ANKRD30B: variants seen among roughly 807,000 people sequenced by gnomAD.
ANKRD30B encodes the protein ankyrin repeat domain 30B.
In ANKRD30B, 144 loss-of-function variants were observed where a neutral mutation model predicts 202.2. The ratio of observed to expected loss-of-function variants is 0.71; its 90% CI spans 0.62 to 0.82. The LOEUF (loss-of-function observed/expected upper bound fraction) is 0.82, where lower values mean the gene tolerates loss of function less well. ANKRD30B is among the 40% of genes least tolerant of loss of function. ANKRD30B has a pLI of 0.00. For missense variants in ANKRD30B, 1,487 were observed against 1,669.1 expected (o/e 0.89, Z 1.90); for synonymous variants, 508 against 561.3 (o/e 0.91, Z 1.34).
rs1432131805 is a variant in ANKRD30B, at chr18:14,852,325, C to T, written c.4381C>T (p.Arg1461Cys). The T allele has an allele frequency of 5.2e-6, 8 of 1,545,226 alleles. No homozygotes were observed. The highest frequency in any genetic ancestry group is 2.4e-5 in the South Asian group (2 of 83,394). The change falls in exon 42 of 44, where the codon CGT becomes TGT. Residue 1461 changes from arginine (R) to cysteine (C), a missense_variant. By Grantham distance (180) the Arg-to-Cys change is radical. Transcript: ENST00000690538. The stretch of plus-strand genomic sequence containing the variant: ...TCAGTTTCCTGAGATGAAAATGCAA[C>T]GTCATCTAAACGAGAAAAATGAGGA... ...NIQFPEMKMQ[R>C]HLNEKNEEVF...
At chr18:14,881,086 T>C in the ANKRD30B span, among the ~76,000 whole-genome samples, 5 of 152,294 alleles carry the variant, frequency 3.3e-5, no homozygotes, top group African/African-American at 1.2e-4. Context: ...TTTCCTTCTT[T>C]TGTCTGATTG....
At chr18:14,913,510 A>C in the ANKRD30B span, among the ~76,000 whole-genome samples, 1 of 152,222 alleles carries the variant, frequency 6.6e-6, no homozygotes. Context: ...TATATGAACA[A>C]TTCACACTCT....
At chr18:14,908,113 A>G in the ANKRD30B span, among the ~76,000 whole-genome samples, 3 of 152,218 alleles carry the variant, frequency 2.0e-5, no homozygotes, top group African/African-American at 7.2e-5. Context: ...TGTTGGCAAG[A>G]CAGGTTAATG....
chr18:14,820,302 T>C (rs1311177435), intron 30 of ANKRD30B, among the ~76,000 whole-genome samples: 1 of 152,184 alleles, frequency 6.6e-6, no homozygotes, highest in Non-Finnish European at 1.5e-5. Flanking sequence ...ATCATGTCGT[T>C]TGCAAAGAGG....
chr18:14,784,982 A>G (rs1269465661), intron 14 of ANKRD30B, among the ~76,000 whole-genome samples: 4 of 152,102 alleles, frequency 2.6e-5, no homozygotes, highest in Admixed American at 1.3e-4. Flanking sequence ...GAAACTCAGT[A>G]ACTCGGATCA....
the ANKRD30B span, among the ~76,000 whole-genome samples, chr18:14,873,326 C>A: frequency 6.6e-6 from 1 of 151,946 alleles, no homozygotes; most frequent in Non-Finnish European, 1.5e-5. Flanking sequence ...AATTTTGAGA[C>A]CAGCCTGGCC....
chr18:14,908,636 AG>A, the ANKRD30B span, among the ~76,000 whole-genome samples: 1 of 152,266 alleles, frequency 6.6e-6, no homozygotes, highest in East Asian at 1.9e-4. Flanking sequence ...CTTTGAGGGC[AG>A]GGTCTGTGTC....
At chr18:14,855,485 C>G (rs1399057864), downstream of ANKRD30B, among the ~76,000 whole-genome samples, 1 of 152,250 alleles carries the variant, frequency 6.6e-6, no homozygotes, top group Non-Finnish European at 1.5e-5. Context: ...TGCACAACGG[C>G]CAGGCAGAGG....
chr18:14,881,574 T>C, the ANKRD30B span, among the ~76,000 whole-genome samples: 1 of 152,172 alleles, frequency 6.6e-6, no homozygotes, highest in Non-Finnish European at 1.5e-5. Flanking sequence ...ATGGTTTTGG[T>C]ACTAGGGTGA....
Position 14,748,384 on chromosome 18 carries a change from G to A in ANKRD30B, c.-36G>A, listed in dbSNP as rs1598550397. 3.5e-6 allele frequency: 5 copies of A among 1,411,976 alleles called. No individual in the cohort carries two copies. Among genetic ancestry groups the A allele is most frequent in the South Asian group, 1.6e-5 (1 of 64,234 alleles). 87.5% of individuals were successfully genotyped at this position (1,411,976 alleles called of 1,614,324 possible). A position where few individuals can be genotyped will look rare whatever the true frequency, so the allele number is the denominator to read the frequency against. On this transcript the variant is annotated 5_prime_UTR_variant, in exon 1 of 44. Coordinates refer to ENST00000690538, the MANE Select transcript of ANKRD30B (RefSeq NM_001367607.2). ...GGTAGGGGCTGGGGAAGGGCGAGCG[G>A]GAGGCGCGGGCTCTCTCTAGCAGGG...
Position 14,748,485 on chromosome 18 carries a change from C to A in ANKRD30B, c.66C>A (p.Ser22Arg), listed in dbSNP as rs1398596614. The change falls in exon 1 of 44, where the codon AGC becomes AGA. Residue 22 changes from serine to arginine, a missense_variant. Transcript: ENST00000690538. ...VRGPEPPNPF[S>R]ERVYTEKDYG... The stretch of plus-strand genomic sequence containing the variant: ...GCCCGGAGCCCCCGAACCCCTTCAG[C>A]GAACGGGTCTACACTGAGAAGGACT... The A allele has an allele frequency of 6.5e-7, 1 of 1,547,688 alleles. No individual in the cohort carries two copies. Among genetic ancestry groups the A allele is most frequent in the Admixed American group, 2.0e-5 (1 of 50,518 alleles).
the ANKRD30B span, among the ~76,000 whole-genome samples, chr18:14,916,513 C>A: frequency 2.0e-5 from 3 of 152,132 alleles, no homozygotes; most frequent in Admixed American, 2.0e-4. Flanking sequence ...AGCAGATTCA[C>A]AGCCAGGGGC....
the ANKRD30B span, among the ~76,000 whole-genome samples, chr18:14,929,817 T>G: frequency 6.6e-6 from 1 of 151,956 alleles, no homozygotes; most frequent in African/African-American, 2.4e-5. Context: ...GTGTGTGCAT[T>G]TCATATAGTG....
chr18:14,788,046 G>A (rs1968201164), intron 15 of ANKRD30B, among the ~76,000 whole-genome samples: 1 of 152,126 alleles, frequency 6.6e-6, no homozygotes, highest in Admixed American at 6.5e-5. Flanking sequence ...AAATAAAGCA[G>A]CTTTTTCAGC....
the ANKRD30B span, among the ~76,000 whole-genome samples, chr18:14,907,643 G>T: frequency 6.6e-6 from 1 of 152,216 alleles, no homozygotes; most frequent in African/African-American, 2.4e-5. Context: ...GGTCTTGGGA[G>T]GCCGAGGCTG....
chr18:14,921,960 C>T, the ANKRD30B span, among the ~76,000 whole-genome samples: 1 of 152,204 alleles, frequency 6.6e-6, no homozygotes, highest in Non-Finnish European at 1.5e-5. Flanking sequence ...ACTATCTATA[C>T]ACACAAACAA....
intron 5 of ANKRD30B, 114 bp downstream of exon 5, chr18:14,758,066 T>C (rs1914657794): frequency 1.7e-6 from 2 of 1,161,686 alleles, no homozygotes; most frequent in South Asian, 1.6e-5. Context: ...AAAGCCAGAC[T>C]AGTTAGAAGG....
At chr18:14,840,196 A>G (rs1186628766) in intron 36 of ANKRD30B, among the ~76,000 whole-genome samples, 2 of 152,232 alleles carry the variant, frequency 1.3e-5, no homozygotes, top group Non-Finnish European at 2.9e-5. Context: ...TTTAAAAAAG[A>G]TTTTTAATAA....
chr18:14,921,785 C>T, the ANKRD30B span, among the ~76,000 whole-genome samples: 2 of 152,196 alleles, frequency 1.3e-5, no homozygotes, highest in Admixed American at 6.5e-5. Context: ...CCAGAGCTGC[C>T]GGCTCTGCCT....
Sources: gnomAD v4.1 joint callset for allele counts (sites outside exome capture counted in the v4.1 genomes callset) on GRCh38, gnomAD v4.1.1 for gene constraint, MANE v1.5 for transcripts, NCBI Gene and HGNC (gene_info 2026-07-23, HGNC 2026-07-21) for gene names.